The following BFAR variants were observed in gnomAD, a reference collection of about 807,000 sequenced individuals.
BFAR encodes RING finger protein 47.
Under a neutral mutation model 54.4 loss-of-function variants are expected in BFAR, and 52 were observed. The ratio of observed to expected loss-of-function variants is 0.96; its 90% CI spans 0.77 to 1.21. The LOEUF (loss-of-function observed/expected upper bound fraction) is 1.21. Ranked by LOEUF, BFAR falls within the 50% of genes most tolerant of loss-of-function variation. The probability of loss-of-function intolerance (pLI) is 0.00; values close to 1 mark genes in which losing one functional copy is unlikely to be tolerated. For missense variants in BFAR, 571 were observed against 534.0 expected (o/e 1.07, Z -0.68); for synonymous variants, 215 against 204.3 (o/e 1.05, Z -0.45).
chr16:14,640,209 C>A (rs1427445301), intron 1 of BFAR, among the ~76,000 whole-genome samples: 1 of 150,212 alleles, frequency 6.7e-6, no homozygotes, highest in African/African-American at 2.4e-5. Context: ...GACAGAACTC[C>A]AAAAGCTAAC....
At chr16:14,646,227 A>G (rs1959790796) in intron 2 of BFAR, among the ~76,000 whole-genome samples, 2 of 152,020 alleles carry the variant, frequency 1.3e-5, no homozygotes, top group South Asian at 4.1e-4. Context: ...CTAATTTTGT[A>G]TTTTTAGTAG....
intron 5 of BFAR, among the ~76,000 whole-genome samples, chr16:14,661,495 A>G (rs78482431): frequency 7.7e-6 from 1 of 129,600 alleles, no homozygotes; most frequent in Non-Finnish European, 1.6e-5. Flanking sequence ...TCCACCTCCC[A>G]GGTTCAAGCG....
Position 14,650,066 on chromosome 16 carries a change from G to C in BFAR, c.638+93G>C, listed in dbSNP as rs142713532. ...GGCCAGGCGCGGTGGCTCACACCTG[G>C]ATCCCAGCACTTTGGGAGGCCGAGG... On this transcript the variant is annotated intron_variant, in intron 4 of 7. Coordinates refer to ENST00000261658, the MANE Select transcript of BFAR (RefSeq NM_016561.3). 7,736 of 1,329,710 alleles carry C rather than the reference G, an allele frequency of 5.8e-3. 46 individuals are homozygous for C. Among genetic ancestry groups the C allele is most frequent in the Non-Finnish European group, 6.8e-3 (6,713 of 991,010 alleles). The allele number at this position is 1,329,710 out of a possible 1,614,324, so 82.4% of individuals were successfully genotyped here.
At chr16:14,640,025 C>G (rs113720365) in intron 1 of BFAR, among the ~76,000 whole-genome samples, 5,306 of 151,928 alleles carry the variant, frequency 0.035, 109 homozygotes, top group Middle Eastern at 0.058. Context: ...GTGGCGCACA[C>G]CTGTAGTCCA....
At chr16:14,641,323 C>T (rs1320177167) in intron 1 of BFAR, among the ~76,000 whole-genome samples, 1 of 152,168 alleles carries the variant, frequency 6.6e-6, no homozygotes, top group Non-Finnish European at 1.5e-5. Context: ...CTGCTTCTAA[C>T]GCCTGCAGCC....
At chr16:14,648,027 C>G (rs957619994) in intron 2 of BFAR, among the ~76,000 whole-genome samples, 1 of 151,990 alleles carries the variant, frequency 6.6e-6, no homozygotes, top group East Asian at 1.9e-4. Flanking sequence ...ATTGCCTGAG[C>G]TCAGGAGTTC....
intron 4 of BFAR, among the ~76,000 whole-genome samples, chr16:14,651,363 C>A (rs1959961522): frequency 6.6e-6 from 1 of 152,170 alleles, no homozygotes; most frequent in Admixed American, 6.6e-5. Flanking sequence ...ACACTTAGGG[C>A]AAGGTATGGG....
In BFAR at chr16:14,644,528, G is replaced by T; in HGVS notation, c.182G>T (p.Trp61Leu). ...TTCTGCCGTCACTGCCTTGCTTTAT[G>T]GTGGGCATCTTCAAAGAAAACAGAA... ...HSFCRHCLAL[W>L]WASSKKTECP... The change falls in exon 2 of 8, where the codon TGG becomes TTG. Residue 61 changes from tryptophan (W) to leucine (L), a missense_variant. Transcript: ENST00000261658. The T allele has an allele frequency of 6.2e-7, 1 of 1,614,022 alleles. No homozygotes were observed. The highest frequency in any genetic ancestry group is 8.5e-7 in the Non-Finnish European group (1 of 1,179,968).
At position 14,644,560 on chromosome 16, in the gene BFAR, G is replaced by C; in HGVS notation, c.214G>C (p.Glu72Gln). Residue 72 changes from glutamate to glutamine, a missense_variant, in exon 2 of 8, where the codon GAA becomes CAA. By Grantham distance (29) the Glu-to-Gln change is conservative. Coordinates refer to ENST00000261658, the MANE Select transcript of BFAR (RefSeq NM_016561.3). ...ATCTTCAAAGAAAACAGAATGTCCAGAATGCAGAGAAAAATGGGAAGGTTT... is the reference window on the plus strand; with the variant it reads ...ATCTTCAAAGAAAACAGAATGTCCACAATGCAGAGAAAAATGGGAAGGTTT... ...WASSKKTECP[E>Q]CREKWEGFPK... 6.2e-7 allele frequency: 1 copy of C among 1,613,538 alleles called. No homozygotes were observed.
At chr16:14,647,225 C>T (rs529549529) in intron 2 of BFAR, among the ~76,000 whole-genome samples, 2 of 152,196 alleles carry the variant, frequency 1.3e-5, no homozygotes, top group Admixed American at 6.5e-5. Context: ...GCTGGGATTA[C>T]AGGCGCCCAC....
At chr16:14,646,660 G>A (rs1438299347) in intron 2 of BFAR, among the ~76,000 whole-genome samples, 1 of 151,164 alleles carries the variant, frequency 6.6e-6, no homozygotes, top group Non-Finnish European at 1.5e-5. Flanking sequence ...CACCATGCCT[G>A]GCTAATTTTG....
chr16:14,637,247 A>G (rs910215565), intron 1 of BFAR, among the ~76,000 whole-genome samples: 2 of 152,164 alleles, frequency 1.3e-5, no homozygotes, highest in African/African-American at 2.4e-5. Context: ...TAGCATCTCT[A>G]TGATGTGGCC....
chr16:14,645,594 G>A (rs1383183413), intron 2 of BFAR, among the ~76,000 whole-genome samples: 1 of 152,086 alleles, frequency 6.6e-6, no homozygotes, highest in African/African-American at 2.4e-5. Context: ...TTTCAACAGA[G>A]TACTAGAAAG....
At chr16:14,648,248 A>T (rs367826790) in intron 2 of BFAR, 140 bp from the exon 3 acceptor site, 1 of 670,202 alleles carries the variant, frequency 1.5e-6, no homozygotes. Flanking sequence ...GCTTTTACCC[A>T]CAGGACTATA....
intron 6 of BFAR, among the ~76,000 whole-genome samples, chr16:14,664,390 CA>C (rs753783830): frequency 0.029 from 1,662 of 58,120 alleles, 16 homozygotes; most frequent in African/African-American, 0.089. Flanking sequence ...GACTCCGTCT[CA>C]AAAAAAAAAA....
chr16:14,663,569 A>G (rs775087452), intron 6 of BFAR, among the ~76,000 whole-genome samples: 12 of 146,858 alleles, frequency 8.2e-5, no homozygotes, highest in Non-Finnish European at 1.2e-4. Flanking sequence ...CTGACCTCGT[A>G]ATCCGCCCTC....
intron 5 of BFAR, among the ~76,000 whole-genome samples, chr16:14,658,457 C>T (rs1399743338): frequency 6.6e-6 from 1 of 152,162 alleles, no homozygotes; most frequent in Non-Finnish European, 1.5e-5. Context: ...TCTGTGTCTG[C>T]AGTTCCATTT....
chr16:14,644,270 C>G lies in BFAR; in HGVS notation c.-73-4C>G. 7.9e-7 allele frequency: 1 copy of G among 1,273,536 alleles called. No homozygotes were observed. Among genetic ancestry groups the G allele is most frequent in the Non-Finnish European group, 1.1e-6 (1 of 942,186 alleles). 78.9% of individuals were successfully genotyped at this position (1,273,536 alleles called of 1,614,324 possible). ...TTATTTTTGTCTCTGTTTTTTTTTT[C>G]TAGATTAATGATGTTTTGCAGCAGT... is the stretch of plus-strand genomic sequence containing the variant. On this transcript the variant is annotated splice_polypyrimidine_tract_variant and splice_region_variant and intron_variant, in intron 1 of 7. Transcript: ENST00000261658.
At chr16:14,657,835 G>A (rs1481595882) in intron 5 of BFAR, among the ~76,000 whole-genome samples, 4 of 152,148 alleles carry the variant, frequency 2.6e-5, no homozygotes, top group Admixed American at 6.5e-5. Flanking sequence ...GAGCCACTGC[G>A]CCCAGCCAAG....
Sources: allele counts gnomAD v4.1 joint callset (sites outside exome capture counted in the v4.1 genomes callset), GRCh38; gene constraint gnomAD v4.1.1; transcripts MANE v1.5; gene names NCBI Gene and HGNC (gene_info 2026-07-23, HGNC 2026-07-21).